The following FOXP2 variants were observed in gnomAD, a reference collection of about 807,000 sequenced individuals.
FOXP2 encodes the protein forkhead box P2.
Under a neutral mutation model 115.8 loss-of-function variants are expected in FOXP2, and 12 were observed. The observed-to-expected ratio is 0.10, with a 90% CI of 0.07 to 0.17. FOXP2 has a LOEUF of 0.17. FOXP2 is among the 10% of genes least tolerant of loss of function. The pLI is 1.00. For synonymous variants in FOXP2, 328 were observed against 297.7 expected (o/e 1.10, Z -1.05); for missense variants, 629 against 843.5 (o/e 0.75, Z 3.15).
At chr7:114,481,243 CT>C (rs908580285) in intron 2 of FOXP2, among the ~76,000 whole-genome samples, 2 of 151,032 alleles carry the variant, frequency 1.3e-5, no homozygotes, top group African/African-American at 4.8e-5. Context: ...CTCCTGCCCC[CT>C]CATGTACATA....
chr7:114,546,878 C>G lies in FOXP2; in HGVS notation c.258+12172C>G, dbSNP rs562581064. On this transcript the variant is annotated intron_variant, in intron 3 of 16. Coordinates refer to ENST00000350908, the MANE Select transcript of FOXP2 (RefSeq NM_014491.4). ...ATGTTTATAACTTCACTTCTTACCA[C>G]AATGCTTGACACATGGTAGATGCTA... is the stretch of plus-strand genomic sequence containing the variant. 5.9e-5 allele frequency among the ~76,000 whole-genome samples: 9 copies of G among 152,302 alleles called. No homozygotes were observed. In the South Asian group the frequency reaches 1.9e-3, roughly 32 times the overall value.
At chr7:114,201,110 C>T (rs149524372) in intron 1 of FOXP2, among the ~76,000 whole-genome samples, 26 of 151,950 alleles carry the variant, frequency 1.7e-4, no homozygotes, top group African/African-American at 5.6e-4. Flanking sequence ...GAGCCAAGAT[C>T]GTGCCATTGT....
At chr7:114,296,312 A>G (rs1796740466) in intron 2 of FOXP2, among the ~76,000 whole-genome samples, 1 of 152,180 alleles carries the variant, frequency 6.6e-6, no homozygotes, top group Admixed American at 6.5e-5. Context: ...GTAGTCTCAG[A>G]TAATTTAATA....
chr7:114,105,239 C>T (rs1791081100), intron 1 of FOXP2, among the ~76,000 whole-genome samples: 5 of 151,778 alleles, frequency 3.3e-5, no homozygotes, highest in Non-Finnish European at 1.5e-5. Flanking sequence ...AGCCTTTTGT[C>T]TCAATATATA....
intron 1 of FOXP2, among the ~76,000 whole-genome samples, chr7:114,149,448 T>C (rs1385552745): frequency 2.6e-5 from 4 of 152,116 alleles, no homozygotes; most frequent in Non-Finnish European, 5.9e-5. Flanking sequence ...CAAACCAGAA[T>C]GACCTTGTGA....
At chr7:114,652,130 C>A in intron 8 of FOXP2, 73 bp from the exon 9 acceptor site, 1 of 1,394,130 alleles carries the variant, frequency 7.2e-7, no homozygotes, top group Non-Finnish European at 1.0e-6. Context: ...CAGTGTAGTG[C>A]TTTTTAAGTG....
In FOXP2 at chr7:114,646,598, A is replaced by G. The variant is rs934535255; in HGVS notation, c.1094+1809A>G. 1.2e-4 allele frequency among the ~76,000 whole-genome samples: 19 copies of G among 152,180 alleles called. No homozygotes were observed. The East Asian group carries it at 2.9e-3, about 23-fold the overall frequency. On this transcript the variant is annotated intron_variant, in intron 8 of 16. Coordinates refer to ENST00000350908, the MANE Select transcript of FOXP2 (RefSeq NM_014491.4). ...CTTTATAGGGATGACAGAACTAATG[A>G]CAGGAGGTTTTAAAGCCTTTTTTTA...
chr7:114,585,188 T>C (rs368037704), intron 3 of FOXP2, among the ~76,000 whole-genome samples: 2 of 152,280 alleles, frequency 1.3e-5, no homozygotes, highest in South Asian at 4.2e-4. Flanking sequence ...CATTAAGGAA[T>C]GGATAGAGTT....
intron 1 of FOXP2, among the ~76,000 whole-genome samples, chr7:114,273,277 G>C (rs977895162): frequency 5.3e-5 from 8 of 151,876 alleles, no homozygotes; most frequent in African/African-American, 1.9e-4. Flanking sequence ...TTATTTCTAG[G>C]TTAATGCTTT....
intron 1 of FOXP2, among the ~76,000 whole-genome samples, chr7:114,173,931 T>TTGCTCTG (rs1195823481): frequency 2.0e-5 from 3 of 151,988 alleles, no homozygotes; most frequent in Non-Finnish European, 4.4e-5. Context: ...AGACCTGGGT[T>TTGCTCTG]CAAATGTTTG....
At position 114,134,645 on chromosome 7, in the gene FOXP2, G is replaced by A. The variant is rs1791984127; in HGVS notation, c.-246-28299G>A. ...GGAGAATGGCGTGAACCCGGGAGGC[G>A]GAGCTTGCAGTGAGCCGAGATCCCG... On this transcript the variant is annotated intron_variant, in intron 1 of 19. Transcript: ENST00000635638. Among the ~76,000 whole-genome samples the A allele has an allele frequency of 4.7e-5, 7 of 150,014 alleles. No homozygotes were observed. In the South Asian group the frequency reaches 1.3e-3, roughly 27 times the overall value.
At chr7:114,300,018 C>T (rs962469435) in intron 2 of FOXP2, among the ~76,000 whole-genome samples, 2 of 151,590 alleles carry the variant, frequency 1.3e-5, no homozygotes, top group African/African-American at 4.9e-5. Flanking sequence ...CTTCCAGCAG[C>T]TACCCTTACA....
rs145930403 is a variant in FOXP2 at position 114,225,134 on chromosome 7, A to C, written c.-102+62046A>C. 7.5e-3 allele frequency among the ~76,000 whole-genome samples: 1,137 copies of C among 151,828 alleles called. 18 individuals carry two copies. The highest frequency in any genetic ancestry group is 0.026 in the African/African-American group (1,088 of 41,376). ...AATTTTTTTAGGATTTTGGTCTATAATTTTCCTTTTTTTATACTGCACTTG... is the reference window on the plus strand; with the variant it reads ...AATTTTTTTAGGATTTTGGTCTATACTTTTCCTTTTTTTATACTGCACTTG... On this transcript the variant is annotated intron_variant, in intron 1 of 17. Coordinates refer to the FOXP2 transcript ENST00000634411.
intron 1 of FOXP2, among the ~76,000 whole-genome samples, chr7:114,250,795 AG>A (rs1795421961): frequency 6.6e-6 from 1 of 152,076 alleles, no homozygotes; most frequent in Admixed American, 6.6e-5. Flanking sequence ...GAAGCTCTTT[AG>A]TTTAATTAGA....
chr7:114,387,113 A>G (rs1366556985), intron 2 of FOXP2, among the ~76,000 whole-genome samples: 1 of 152,214 alleles, frequency 6.6e-6, no homozygotes, highest in African/African-American at 2.4e-5. Context: ...AAATACATAT[A>G]TGTTAAAGCC....
intron 2 of FOXP2, among the ~76,000 whole-genome samples, chr7:114,393,688 G>A (rs894276378): frequency 3.3e-5 from 5 of 152,036 alleles, no homozygotes; most frequent in Non-Finnish European, 5.9e-5. Context: ...AGCCTGGCAT[G>A]GGTTGTTGGA....
chr7:114,193,910 A>G (rs895833691), intron 1 of FOXP2, among the ~76,000 whole-genome samples: 1 of 152,138 alleles, frequency 6.6e-6, no homozygotes, highest in Non-Finnish European at 1.5e-5. Flanking sequence ...GTTTGCTTCA[A>G]TACATAAAAC....
rs549530521 is a variant in FOXP2, at chr7:114,323,926, T to G, written c.-11+35817T>G. Among the ~76,000 whole-genome samples the G allele has an allele frequency of 7.2e-5, 11 of 152,118 alleles. No homozygotes were observed. In the East Asian group the frequency reaches 2.1e-3, roughly 29 times the overall value. ...TTCTGTGTTAGAGCTGGAGTTATTC[T>G]TCAAGATGAAGAACTCTTATTCTTT... On this transcript the variant is annotated intron_variant, in intron 2 of 17. Transcript: ENST00000634411.
intron 1 of FOXP2, among the ~76,000 whole-genome samples, chr7:114,118,417 A>G (rs1421852318): frequency 1.3e-5 from 2 of 151,922 alleles, no homozygotes; most frequent in Non-Finnish European, 2.9e-5. Flanking sequence ...ATAGTAAATG[A>G]CGGGTTATAT....
Sources: allele counts gnomAD v4.1 joint callset (sites outside exome capture counted in the v4.1 genomes callset), GRCh38; gene constraint gnomAD v4.1.1; transcripts MANE v1.5; gene names NCBI Gene and HGNC (gene_info 2026-07-23, HGNC 2026-07-21).